The following HCN4 variants were observed in gnomAD, a reference collection of about 807,000 sequenced individuals.
HCN4 encodes the protein potassium/sodium hyperpolarization-activated cyclic nucleotide-gated channel 4.
In HCN4, 29 loss-of-function variants were observed where a neutral mutation model predicts 76.9. That is an observed-to-expected ratio of 0.38 (90% CI 0.28 to 0.51). The LOEUF is 0.51. Among genes scored for constraint, HCN4 ranks in the 20% least tolerant of loss-of-function variants. HCN4 has a pLI of 0.90. For synonymous variants in HCN4, 772 were observed against 762.5 expected, an observed-to-expected ratio of 1.01 and a Z score of -0.21; for missense variants, 1,416 against 1,715.2, an observed-to-expected ratio of 0.83 and a Z score of 3.08.
At chr15:73,351,867 A>G (rs2043056304) in intron 1 of HCN4, among the ~76,000 whole-genome samples, 1 of 152,036 alleles carries the variant, frequency 6.6e-6, no homozygotes. Flanking sequence ...CTGCAGACAG[A>G]CTCAGCAGCC....
Position 73,323,523 on chromosome 15 carries a change from A to G in HCN4, c.2570T>C (p.Phe857Ser). 6.2e-7 allele frequency: 1 copy of G among 1,601,302 alleles called. No individual in the cohort carries two copies. ...GAATCCAGCCAGCTGTTGGATGTGG[A>G]AGGAGGATGAAGACGGTGTGTCCAC... ...SQVDTPSSSS[F>S]HIQQLAGFSA... Residue 857 changes from phenylalanine (F) to serine (S), a missense_variant, in exon 8 of 8, where the codon TTC (phenylalanine) becomes TCC (serine). Phe to Ser is a radical substitution (Grantham distance 155, BLOSUM62 -2). Around this residue, in one of 6 missense-constraint regions of HCN4, gnomAD observed 633 missense variants for 579.8 expected, o/e 1.09. Transcript: ENST00000261917.
At chr15:73,366,870 T>C (rs1004587302) in intron 1 of HCN4, among the ~76,000 whole-genome samples, 2 of 152,220 alleles carry the variant, frequency 1.3e-5, no homozygotes, top group Admixed American at 1.3e-4. Context: ...CCGCTCTGGA[T>C]GCCAGCTGCC....
Position 73,354,223 on chromosome 15 carries a change from A to G in HCN4, c.786-10415T>C, listed in dbSNP as rs185273889. 1.1e-3 allele frequency among the ~76,000 whole-genome samples: 165 copies of G among 152,340 alleles called. 1 individual carries two copies. Among genetic ancestry groups the G allele is most frequent in the African/African-American group, 3.7e-3 (152 of 41,576 alleles). ...TTCGTTTTGTTTTTCTTAAAACCCA[A>G]TGATGACCCTTTACCCCTGCCTCTT... On this transcript the variant is annotated intron_variant, in intron 1 of 7. Transcript: ENST00000261917.
At chr15:73,342,127 T>G (rs1375671696) in intron 2 of HCN4, among the ~76,000 whole-genome samples, 1 of 152,144 alleles carries the variant, frequency 6.6e-6, no homozygotes. Context: ...TGCTGCCAAG[T>G]TGTGTAACTT....
At chr15:73,342,114 C>T (rs1422674246) in intron 2 of HCN4, among the ~76,000 whole-genome samples, 3 of 152,204 alleles carry the variant, frequency 2.0e-5, no homozygotes, top group African/African-American at 7.2e-5. Flanking sequence ...GCCTGCCTGC[C>T]GCTGCTGCCA....
At position 73,367,943 on chromosome 15, in the gene HCN4, T is replaced by C; in HGVS notation, c.328A>G (p.Ser110Gly). 7.4e-7 allele frequency: 1 copy of C among 1,358,800 alleles called. No individual in the cohort carries two copies. Among genetic ancestry groups the C allele is most frequent in the Non-Finnish European group, 9.4e-7 (1 of 1,059,670 alleles). The allele number at this position is 1,358,800 out of a possible 1,614,324, so 84.2% of individuals were successfully genotyped here. ...CTGCTGCCGCTCCCCGTGCCGCCGCTGCCGCCGCCCCGGCTGCCCAGCGAG... is the reference window on the plus strand; with the variant it reads ...CTGCTGCCGCTCCCCGTGCCGCCGCCGCCGCCGCCCCGGCTGCCCAGCGAG... ...LASLGSRGGG[S>G]GGTGSGSSHG... Residue 110 changes from serine to glycine, a missense_variant, in exon 1 of 8, where the codon AGC (serine) becomes GGC (glycine). By Grantham distance (56) the Ser-to-Gly change is moderately conservative. This residue lies in a region of HCN4 where 355 missense variants were observed against 347.8 expected (regional missense o/e 1.02). Transcript: ENST00000261917. This position sits in a 1 kb window ranked among gnomAD's most constrained non-coding sequence, Gnocchi z 7.5.
chr15:73,323,365 A>G lies in HCN4; in HGVS notation c.2728T>C (p.Phe910Leu). 1 of 1,579,444 alleles carries G rather than the reference A, an allele frequency of 6.3e-7. No individual in the cohort carries two copies. Among genetic ancestry groups the G allele is most frequent in the Non-Finnish European group, 8.6e-7 (1 of 1,162,966 alleles). ...AGGGAGCCACCCAGCGCCTTGTGGAAGTGGCCAAACCCGGCTATGGTGGTG... is the reference window on the plus strand; with the variant it reads ...AGGGAGCCACCCAGCGCCTTGTGGAGGTGGCCAAACCCGGCTATGGTGGTG... ...AATTIAGFGH[F>L]HKALGGSLSS... Residue 910 changes from phenylalanine (F) to leucine (L), a missense_variant, in exon 8 of 8, where the codon TTC (phenylalanine) becomes CTC (leucine). Transcript: ENST00000261917.
In HCN4 at chr15:73,359,661, CG is replaced by C. The variant is rs2043096472; in HGVS notation, c.785+7824del. On this transcript the variant is annotated intron_variant, in intron 1 of 7. Transcript: ENST00000261917. ...ACAGACTTAGCCCTGACCCCAGCCACGGACTGAACCCCAATCCTGGTTACAC... is the reference window on the plus strand; with the variant it reads ...ACAGACTTAGCCCTGACCCCAGCCACGACTGAACCCCAATCCTGGTTACAC... Among the ~76,000 whole-genome samples the C allele has an allele frequency of 3.3e-5, 5 of 152,276 alleles. No individual in the cohort carries two copies. In the South Asian group the frequency reaches 1.0e-3, roughly 32 times the overall value.
At chr15:73,353,001 G>T (rs1296906385) in intron 1 of HCN4, among the ~76,000 whole-genome samples, 1 of 150,164 alleles carries the variant, frequency 6.7e-6, no homozygotes, top group African/African-American at 2.5e-5. Flanking sequence ...TGGATGGATG[G>T]ACAGATGGAT....
At chr15:73,344,899 G>A (rs1236283243) in intron 1 of HCN4, among the ~76,000 whole-genome samples, 1 of 152,238 alleles carries the variant, frequency 6.6e-6, no homozygotes, top group Non-Finnish European at 1.5e-5. Context: ...CCCAGGGCTG[G>A]CCCCAAGACC....
intron 3 of HCN4, among the ~76,000 whole-genome samples, chr15:73,330,229 G>C (rs2042925001): frequency 6.6e-6 from 1 of 152,258 alleles, no homozygotes; most frequent in African/African-American, 2.4e-5. Context: ...CTTCCCTTGG[G>C]GGGACAAGCT....
rs940293597 is a variant in HCN4, at chr15:73,368,954, C to G, written c.-684G>C. 3 of 152,196 alleles carry G rather than the reference C, an allele frequency of 2.0e-5. No homozygotes were observed. Among genetic ancestry groups the G allele is most frequent in the African/African-American group, 7.2e-5 (3 of 41,448 alleles). The allele number at this position is 152,196 out of a possible 1,614,324, so 9.4% of individuals were successfully genotyped here. A position where few individuals can be genotyped will look rare whatever the true frequency, so the allele number is the denominator to read the frequency against. Reference sequence around the variant, plus strand: ...CTCGCGGGTTGCCATAGGAGCGGCTCCAGCAGCCGGGCCTGCCTACCTGGG... The same window carrying G: ...CTCGCGGGTTGCCATAGGAGCGGCTGCAGCAGCCGGGCCTGCCTACCTGGG... On this transcript the variant is annotated 5_prime_UTR_variant, in exon 1 of 8. Coordinates refer to ENST00000261917, the MANE Select transcript of HCN4 (RefSeq NM_005477.3). The surrounding 1 kb of genome is among the most constrained non-coding windows in gnomAD (Gnocchi z 6.9).
At chr15:73,336,839 T>C (rs558185633) in intron 2 of HCN4, among the ~76,000 whole-genome samples, 1 of 152,144 alleles carries the variant, frequency 6.6e-6, no homozygotes, top group Admixed American at 6.5e-5. Context: ...CTTGGAGACA[T>C]AAATCAGACC....
chr15:73,355,980 C>T (rs1362201074), intron 1 of HCN4, among the ~76,000 whole-genome samples: 1 of 152,170 alleles, frequency 6.6e-6, no homozygotes, highest in African/African-American at 2.4e-5. Context: ...CACCACTCCC[C>T]CAGGAACCTT....
chr15:73,343,053 T>G lies in HCN4; in HGVS notation c.1209+332A>C, dbSNP rs1248430995. The stretch of plus-strand genomic sequence containing the variant: ...AATGTGGGCTCTAGAGGTGATCGGC[T>G]TAAGTTCACATTCCAGGTTCACAAA... On this transcript the variant is annotated intron_variant, in intron 2 of 7. Coordinates refer to ENST00000261917, the MANE Select transcript of HCN4 (RefSeq NM_005477.3). This position sits in a 1 kb window ranked among gnomAD's most constrained non-coding sequence, Gnocchi z 5.7. Among the ~76,000 whole-genome samples, 2 of 152,244 alleles carry G rather than the reference T, an allele frequency of 1.3e-5. No individual in the cohort carries two copies. The highest frequency in any genetic ancestry group is 2.9e-5 in the Non-Finnish European group (2 of 68,036).
intron 1 of HCN4, among the ~76,000 whole-genome samples, chr15:73,352,368 G>T (rs2043058658): frequency 6.6e-6 from 1 of 152,226 alleles, no homozygotes. Context: ...GACAATCAGG[G>T]AAGAACTTAG....
Position 73,343,170 on chromosome 15 carries a change from C to T in HCN4, c.1209+215G>A, listed in dbSNP as rs1380627384. On this transcript the variant is annotated intron_variant, in intron 2 of 7. Transcript: ENST00000261917. The surrounding 1 kb of genome is among the most constrained non-coding windows in gnomAD (Gnocchi z 5.7). ...GTATATACATGTACCTATATGGTTC[C>T]CTCTATAGCTGTTACACACTTCATT... 6.6e-6 allele frequency among the ~76,000 whole-genome samples: 1 copy of T among 152,146 alleles called. No homozygotes were observed. The highest frequency in any genetic ancestry group is 2.4e-5 in the African/African-American group (1 of 41,414).
In HCN4 at chr15:73,368,935, G is replaced by C. The variant is rs2043144567; in HGVS notation, c.-665C>G. 6.6e-6 allele frequency: 1 copy of C among 152,222 alleles called. No individual in the cohort carries two copies. Among genetic ancestry groups the C allele is most frequent in the Non-Finnish European group, 1.5e-5 (1 of 68,046 alleles). 9.4% of individuals were successfully genotyped at this position (152,222 alleles called of 1,614,324 possible). On this transcript the variant is annotated 5_prime_UTR_variant, in exon 1 of 8. Transcript: ENST00000261917. This position sits in a 1 kb window ranked among gnomAD's most constrained non-coding sequence, Gnocchi z 6.9. ...ATTCATGAAGCCGCCGCAGCTCGCG[G>C]GTTGCCATAGGAGCGGCTCCAGCAG...
In HCN4 at chr15:73,367,347, G is replaced by T; in HGVS notation, c.785+139C>A. 7.4e-7 allele frequency: 1 copy of T among 1,355,842 alleles called. No individual in the cohort carries two copies. The highest frequency in any genetic ancestry group is 1.0e-6 in the Non-Finnish European group (1 of 997,856). 84.0% of individuals were successfully genotyped at this position (1,355,842 alleles called of 1,614,324 possible). A position where few individuals can be genotyped will look rare whatever the true frequency, so the allele number is the denominator to read the frequency against. On this transcript the variant is annotated intron_variant, in intron 1 of 7. Transcript: ENST00000261917. This position sits in a 1 kb window ranked among gnomAD's most constrained non-coding sequence, Gnocchi z 7.5. ...GCAGGAGGGGGCCTGGGGGTGTCTCGGAGCCTAGAGGCGCCCTGCCTCTCT... is the reference window on the plus strand; with the variant it reads ...GCAGGAGGGGGCCTGGGGGTGTCTCTGAGCCTAGAGGCGCCCTGCCTCTCT...
Sources: allele counts gnomAD v4.1 joint callset (sites outside exome capture counted in the v4.1 genomes callset), GRCh38; gene constraint gnomAD v4.1.1; regional missense constraint gnomAD v4.1.1; non-coding constraint Gnocchi (gnomAD v3.1); transcripts MANE v1.5; gene names NCBI Gene and HGNC (gene_info 2026-07-23, HGNC 2026-07-21).